Variants in SPG7 observed in about 807,000 individuals in gnomAD.
The protein encoded by SPG7 is mitochondrial inner membrane m-AAA protease component paraplegin.
A neutral mutation model predicts 81.9 loss-of-function variants in SPG7; 103 were observed. That is an observed-to-expected ratio of 1.26 (90% CI 1.07 to 1.48). The LOEUF is 1.48. Among genes scored for constraint, SPG7 ranks in the 40% most tolerant of loss-of-function variants. SPG7 has a pLI of 0.00. For missense variants in SPG7, 1,241 were observed against 1,087.3 expected, an observed-to-expected ratio of 1.14 and a Z score of -1.99; for synonymous variants, 534 against 444.2, an observed-to-expected ratio of 1.20 and a Z score of -2.54.
At chr16:89,532,191 A>G in intron 8 of SPG7, 125 bp downstream of exon 8, 1 of 1,124,686 alleles carries the variant, frequency 8.9e-7, no homozygotes, top group East Asian at 2.5e-5. Flanking sequence ...AAGGAAAGCG[A>G]GGTCTGGGTT....
intron 4 of SPG7, among the ~76,000 whole-genome samples, chr16:89,524,772 T>C (rs1202067971): frequency 6.6e-6 from 1 of 151,620 alleles, no homozygotes; most frequent in Non-Finnish European, 1.5e-5. Flanking sequence ...ATTCCAAGAG[T>C]GCGTCAGAAC....
intron 3 of SPG7, chr16:89,514,370 G>C (rs2058065064): frequency 7.4e-6 from 1 of 134,286 alleles, no homozygotes; most frequent in South Asian, 2.4e-4. Flanking sequence ...GCCCCGGCTG[G>C]AGTGCAGTGG....
rs1201595520 is a variant in SPG7, at chr16:89,509,790, T to C, written c.184-700T>C. 1.3e-4 allele frequency among the ~76,000 whole-genome samples: 19 copies of C among 142,544 alleles called. No homozygotes were observed. The South Asian group carries it at 2.4e-3, about 18-fold the overall frequency. The allele number at this position is 142,544 out of a possible 152,430, so 93.5% of individuals were successfully genotyped here. A position where few individuals can be genotyped will look rare whatever the true frequency, so the allele number is the denominator to read the frequency against. ...ACTTCTGTGTTTTGTTTTCTTCTTT[T>C]TTTTTTTTTTTTTTTTTTGTGACAA... On this transcript the variant is annotated intron_variant, in intron 1 of 16. Coordinates refer to ENST00000645818, the MANE Select transcript of SPG7 (RefSeq NM_003119.4).
In SPG7 at chr16:89,526,444, A is replaced by G. The variant is rs771172268; in HGVS notation, c.734A>G (p.Tyr245Cys). The change falls in exon 5 of 17, where the codon TAC (tyrosine) becomes TGC (cysteine). Residue 245 changes from tyrosine to cysteine, a missense_variant. By Grantham distance (194) the Tyr-to-Cys change is radical. Transcript: ENST00000645818. ...GCCAAGGACAGGATCCCAGTTTCCTACAAGCGAACAGGATTCTTTGGAAAG... is the reference window on the plus strand; with the variant it reads ...GCCAAGGACAGGATCCCAGTTTCCTGCAAGCGAACAGGATTCTTTGGAAAG... ...IEAKDRIPVS[Y>C]KRTGFFGNAL... is the part of the protein sequence containing the mutation. 57 of 1,614,092 alleles carry G rather than the reference A, an allele frequency of 3.5e-5. No homozygotes were observed. The highest frequency in any genetic ancestry group is 4.7e-5 in the Non-Finnish European group (55 of 1,180,034).
intron 10 of SPG7, 36 bp downstream of exon 10, chr16:89,544,808 T>C: frequency 6.2e-7 from 1 of 1,612,850 alleles, no homozygotes; most frequent in South Asian, 1.1e-5. Flanking sequence ...CCACTCCACC[T>C]GGGCCGCCCC....
At chr16:89,536,923 C>T in intron 9 of SPG7, 1 of 1,614,192 alleles carries the variant, frequency 6.2e-7, no homozygotes, top group Non-Finnish European at 8.5e-7. Context: ...ATAGAGACCA[C>T]CTTTTTGAGT....
chr16:89,516,777 A>G (rs1420726042), intron 3 of SPG7: 1 of 150,786 alleles, frequency 6.6e-6, no homozygotes, highest in African/African-American at 2.4e-5. Context: ...AGGCAGGAGA[A>G]TGGCGTGAAC....
intron 9 of SPG7, chr16:89,544,315 C>T (rs1283625471): frequency 8.6e-5 from 19 of 219,666 alleles, no homozygotes; most frequent in Non-Finnish European, 9.0e-5. Flanking sequence ...GATGACAGGG[C>T]GGTGGGGGGT....
At chr16:89,556,593 T>G in intron 16 of SPG7, 1 of 444,958 alleles carries the variant, frequency 2.2e-6, no homozygotes. Flanking sequence ...TCCTTCCCTG[T>G]AGACACACAC....
Position 89,557,041 on chromosome 16 carries a change from A to T in SPG7, c.2336A>T (p.Glu779Val). 1 of 1,612,814 alleles carries T rather than the reference A, an allele frequency of 6.2e-7. No homozygotes were observed. The highest frequency in any genetic ancestry group is 8.5e-7 in the Non-Finnish European group (1 of 1,180,034). The change falls in exon 17 of 17, where the codon GAA becomes GTA. Residue 779 changes from glutamate to valine, a missense_variant. Coordinates refer to ENST00000645818, the MANE Select transcript of SPG7 (RefSeq NM_003119.4). ...EKQDLGEEET[E>V]ETQQPPLGGE... ...CAGGACTTGGGCGAGGAGGAGACCG[A>T]AGAGACCCAGCAGCCTCCACTTGGA...
intron 1 of SPG7, among the ~76,000 whole-genome samples, chr16:89,509,369 G>T (rs2057980682): frequency 6.6e-6 from 1 of 151,896 alleles, no homozygotes; most frequent in Non-Finnish European, 1.5e-5. Context: ...TCCTGCCTCA[G>T]CCTCCTGAGT....
intron 13 of SPG7, chr16:89,552,130 C>T (rs2058640965): frequency 6.6e-6 from 1 of 152,294 alleles, no homozygotes; most frequent in Admixed American, 6.5e-5. Context: ...GCGATCACAG[C>T]TCACTGCAGC....
In SPG7 at chr16:89,544,522, T is replaced by C. The variant is rs2152409053; in HGVS notation, c.1325-126T>C. On this transcript the variant is annotated intron_variant, in intron 9 of 16. Coordinates refer to ENST00000645818, the MANE Select transcript of SPG7 (RefSeq NM_003119.4). ...GGCTCCTAGTTCAGAAGGACCGGGC[T>C]GTTCCTTTCTCTCTGGGCCTTAGGG... The C allele has an allele frequency of 2.6e-5, 28 of 1,087,834 alleles. No homozygotes were observed. The South Asian group carries it at 3.5e-4, about 14-fold the overall frequency. 67.4% of individuals were successfully genotyped at this position (1,087,834 alleles called of 1,614,324 possible). A position where few individuals can be genotyped will look rare whatever the true frequency, so the allele number is the denominator to read the frequency against.
At chr16:89,548,945 C>G (rs758161647) in intron 12 of SPG7, 1 of 454,288 alleles carries the variant, frequency 2.2e-6, no homozygotes, top group Non-Finnish European at 4.4e-6. Flanking sequence ...ACCCTCAATT[C>G]GAGTGAATTC....
intron 12 of SPG7, chr16:89,550,114 G>A (rs896940390): frequency 1.7e-5 from 6 of 348,340 alleles, no homozygotes; most frequent in African/African-American, 1.1e-4. Flanking sequence ...TGACCACACG[G>A]GGCAGGAGCA....
At chr16:89,548,683 G>C in intron 12 of SPG7, 1 of 340,040 alleles carries the variant, frequency 2.9e-6, no homozygotes, top group East Asian at 7.9e-5. Flanking sequence ...CTGCCGTTCC[G>C]TGGCTGCTCA....
At chr16:89,546,181 G>T in intron 10 of SPG7, 1 of 300,430 alleles carries the variant, frequency 3.3e-6, no homozygotes, top group Non-Finnish European at 6.5e-6. Context: ...CCATCTCCCA[G>T]GTTCAAGTGA....
Position 89,546,666 on chromosome 16 carries a change from G to T in SPG7, c.1458G>T (p.Arg486=), listed in dbSNP as rs1444581857. The change falls in exon 11 of 17, where the codon CGG becomes CGT. Residue 486 remains arginine (R), a synonymous_variant. Transcript: ENST00000645818. ...TCCCCTGGTTCTGGCAGGAGAGGCGGGAGATTTTTGAGCAGCACCTGAAGA... is the reference window on the plus strand; with the variant it reads ...TCCCCTGGTTCTGGCAGGAGAGGCGTGAGATTTTTGAGCAGCACCTGAAGA... ...FIDLPTLQER[R]EIFEQHLKSL... is the part of the protein sequence containing the mutation. The T allele has an allele frequency of 6.2e-7, 1 of 1,612,414 alleles. No homozygotes were observed. The highest frequency in any genetic ancestry group is 1.1e-5 in the South Asian group (1 of 91,042).
chr16:89,533,352 A>G (rs1156737276), intron 9 of SPG7: 2 of 152,178 alleles, frequency 1.3e-5, no homozygotes, highest in Admixed American at 6.5e-5. Flanking sequence ...TATTTTTAGT[A>G]GAGACGGGGT....
Sources: gnomAD v4.1 joint callset for allele counts (sites outside exome capture counted in the v4.1 genomes callset) on GRCh38, gnomAD v4.1.1 for gene constraint, MANE v1.5 for transcripts, NCBI Gene and HGNC (gene_info 2026-07-23, HGNC 2026-07-21) for gene names.